SAP30L: variants seen among roughly 807,000 people sequenced by gnomAD.
SAP30L encodes the protein histone deacetylase complex subunit SAP30L.
A neutral mutation model predicts 22.3 loss-of-function variants in SAP30L; 10 were observed. That is an observed-to-expected ratio of 0.45 (90% confidence interval 0.28 to 0.76). The LOEUF (loss-of-function observed/expected upper bound fraction) is 0.76. Ranked by LOEUF, SAP30L falls within the 30% of genes least tolerant of loss-of-function variation. The pLI, the probability that SAP30L is intolerant of heterozygous loss-of-function variation, is 0.14. For missense variants in SAP30L, 206 were observed against 237.9 expected (o/e 0.87, Z 0.88); for synonymous variants, 91 against 94.1 (o/e 0.97, Z 0.19).
At position 154,447,969 on chromosome 5, in the gene SAP30L, C is replaced by CTT. The variant is rs140213326; in HGVS notation, c.201+1187_201+1188dup. On this transcript the variant is annotated intron_variant, in intron 1 of 3. Coordinates refer to ENST00000297109, the MANE Select transcript of SAP30L (RefSeq NM_024632.6). ...TTTCTTTTCTTTTTTTTTTCTTTTTCTTTTTTTTTTTTTTTTTTTTTTTTG... is the reference window on the plus strand; with the variant it reads ...TTTCTTTTCTTTTTTTTTTCTTTTTCTTTTTTTTTTTTTTTTTTTTTTTTTTG... 5.3e-3 allele frequency among the ~76,000 whole-genome samples: 472 copies of CTT among 88,408 alleles called. 5 individuals are homozygous for CTT. The highest frequency in any genetic ancestry group is 8.1e-3 in the African/African-American group (168 of 20,764). The allele number at this position is 88,408 out of a possible 152,430, so 58.0% of individuals were successfully genotyped here. A position where few individuals can be genotyped will look rare whatever the true frequency, so the allele number is the denominator to read the frequency against.
Position 154,457,317 on chromosome 5 carries a change from G to C in SAP30L, c.*1289G>C, listed in dbSNP as rs1012734517. 2.6e-5 allele frequency: 4 copies of C among 152,202 alleles called. No homozygotes were observed. The highest frequency in any genetic ancestry group is 9.7e-5 in the African/African-American group (4 of 41,432). The allele number at this position is 152,202 out of a possible 1,614,324, so 9.4% of individuals were successfully genotyped here. On this transcript the variant is annotated 3_prime_UTR_variant, in exon 4 of 4. Transcript: ENST00000297109. The stretch of plus-strand genomic sequence containing the variant: ...TGTGTAATGGAGGGCAGAGGGTATG[G>C]GGTAGGAGGGTGGGAGAAAGAAAAG...
At position 154,446,774 on chromosome 5, in the gene SAP30L, A is replaced by G. The variant is rs1188215155; in HGVS notation, c.170A>G (p.Gln57Arg). The change falls in exon 1 of 4, where the codon CAG (glutamine) becomes CGG (arginine). Residue 57 changes from glutamine to arginine, a missense_variant. Around this residue, in one of 2 missense-constraint regions of SAP30L, gnomAD observed 136 missense variants for 187.4 expected, o/e 0.73. Transcript: ENST00000297109. ...FSKRVQKSIS[Q>R]KKLKLDIDKS... The stretch of plus-strand genomic sequence containing the variant: ...AAGAGGGTCCAGAAGAGCATCTCGC[A>G]GAAGAAACTCAAGCTGGACATCGAC... 6.2e-7 allele frequency: 1 copy of G among 1,604,274 alleles called. No individual in the cohort carries two copies. Among genetic ancestry groups the G allele is most frequent in the East Asian group, 2.3e-5 (1 of 44,050 alleles).
In SAP30L at chr5:154,451,091, G is replaced by C; in HGVS notation, c.202G>C (p.Val68Leu). The change falls in exon 2 of 4, where the codon GTA (valine) becomes CTA (leucine). Residue 68 changes from valine to leucine, a missense_variant and splice_region_variant. Transcript: ENST00000297109. ...KKLKLDIDKS[V>L]RHLYICDFHK... The stretch of plus-strand genomic sequence containing the variant: ...TGACTTTGATTTTTGTCTCCATCAG[G>C]TAAGGCACCTATATATCTGTGATTT... 6.2e-7 allele frequency: 1 copy of C among 1,613,980 alleles called. No homozygotes were observed. The highest frequency in any genetic ancestry group is 1.1e-5 in the South Asian group (1 of 91,052).
In SAP30L at chr5:154,460,764, C is replaced by G. The variant is rs1158181333; in HGVS notation, c.*4736C>G. 1 of 152,220 alleles carries G rather than the reference C, an allele frequency of 6.6e-6. No homozygotes were observed. The highest frequency in any genetic ancestry group is 1.5e-5 in the Non-Finnish European group (1 of 68,056). 9.4% of individuals were successfully genotyped at this position (152,220 alleles called of 1,614,324 possible). On this transcript the variant is annotated 3_prime_UTR_variant, in exon 4 of 4. Coordinates refer to ENST00000297109, the MANE Select transcript of SAP30L (RefSeq NM_024632.6). ...CATTTCTATTGTCTGCTACGCTCAT[C>G]AGAGTATATTTTGGGGTACAAGGTT... is the stretch of plus-strand genomic sequence containing the variant.
Position 154,456,314 on chromosome 5 carries a change from A to C in SAP30L, c.*286A>C. The stretch of plus-strand genomic sequence containing the variant: ...AAGCATTAAATCAATTCTACTGGAA[A>C]TGTGGGATAAGAAATATTTTGGTAA... On this transcript the variant is annotated 3_prime_UTR_variant, in exon 4 of 4. Coordinates refer to ENST00000297109, the MANE Select transcript of SAP30L (RefSeq NM_024632.6). 1 of 220,930 alleles carries C rather than the reference A, an allele frequency of 4.5e-6. No individual in the cohort carries two copies. The highest frequency in any genetic ancestry group is 5.3e-5 in the Admixed American group (1 of 18,726). The allele number at this position is 220,930 out of a possible 1,614,324, so 13.7% of individuals were successfully genotyped here.
Position 154,451,130 on chromosome 5 carries a change from A to T in SAP30L, c.241A>T (p.Ile81Phe). 2 of 1,614,130 alleles carry T rather than the reference A, an allele frequency of 1.2e-6. No homozygotes were observed. Among genetic ancestry groups the T allele is most frequent in the Non-Finnish European group, 1.7e-6 (2 of 1,179,976 alleles). Residue 81 changes from isoleucine (I) to phenylalanine (F), a missense_variant, in exon 2 of 4, where the codon ATC becomes TTC. By Grantham distance (21) the Ile-to-Phe change is conservative (BLOSUM62 0). This residue lies in a region of SAP30L where 136 missense variants were observed against 187.4 expected (regional missense o/e 0.73). Transcript: ENST00000297109. The stretch of plus-strand genomic sequence containing the variant: ...TATCTGTGATTTTCACAAAAATTTC[A>T]TCCAGAGTGTCCGAAATAAAAGGAA... ...LYICDFHKNF[I>F]QSVRNKRKRK... is the part of the protein sequence containing the mutation.
At position 154,446,336 on chromosome 5, in the gene SAP30L, G is replaced by C. The variant is rs1353315359; in HGVS notation, c.-269G>C. ...TACGGTTCTGGGCCCCCGGCAGAAGGCTCCTCCGGGTGACCCCCGGCGGGG... is the reference window on the plus strand; with the variant it reads ...TACGGTTCTGGGCCCCCGGCAGAAGCCTCCTCCGGGTGACCCCCGGCGGGG... On this transcript the variant is annotated 5_prime_UTR_variant, in exon 1 of 4. Transcript: ENST00000297109. 2 of 358,584 alleles carry C rather than the reference G, an allele frequency of 5.6e-6. No individual in the cohort carries two copies. Among genetic ancestry groups the C allele is most frequent in the Non-Finnish European group, 5.0e-6 (1 of 200,574 alleles). The allele number at this position is 358,584 out of a possible 1,614,324, so 22.2% of individuals were successfully genotyped here.
rs1757324146 is a variant in SAP30L at position 154,459,198 on chromosome 5, T to C, written c.*3170T>C. 1 of 152,264 alleles carries C rather than the reference T, an allele frequency of 6.6e-6. No individual in the cohort carries two copies. The highest frequency in any genetic ancestry group is 1.5e-5 in the Non-Finnish European group (1 of 68,064). 9.4% of individuals were successfully genotyped at this position (152,264 alleles called of 1,614,324 possible). The stretch of plus-strand genomic sequence containing the variant: ...TCATGGAAGTCATCCAAAGGCGCTC[T>C]CAGTCATTACAATGACAGGATCTCA... On this transcript the variant is annotated 3_prime_UTR_variant, in exon 4 of 4. Coordinates refer to ENST00000297109, the MANE Select transcript of SAP30L (RefSeq NM_024632.6).
In SAP30L at chr5:154,446,644, C is replaced by A. The variant is rs763566646; in HGVS notation, c.40C>A (p.Pro14Thr). 4.2e-5 allele frequency: 64 copies of A among 1,529,872 alleles called. No individual in the cohort carries two copies. The highest frequency in any genetic ancestry group is 2.8e-5 in the African/African-American group (2 of 71,476). 94.8% of individuals were successfully genotyped at this position (1,529,872 alleles called of 1,614,324 possible). The change falls in exon 1 of 4, where the codon CCC becomes ACC. Residue 14 changes from proline (P) to threonine (T), a missense_variant. This residue lies in a region of SAP30L where 70 missense variants were observed against 50.5 expected (regional missense o/e 1.39). Transcript: ENST00000297109. The stretch of plus-strand genomic sequence containing the variant: ...CACGGAGGAGGACAGCCGCGAAGGG[C>A]CCCCCGCCGCCCCAGCTGCCGCCGC... ...FSTEEDSREG[P>T]PAAPAAAAPG... is the part of the protein sequence containing the mutation.
intron 1 of SAP30L, 30 bp downstream of exon 1, chr5:154,446,835 C>G (rs768212071): frequency 6.4e-7 from 1 of 1,568,286 alleles, no homozygotes; most frequent in Non-Finnish European, 8.7e-7. Context: ...CGTCTGGGCC[C>G]CGGCGCCCCC....
In SAP30L at chr5:154,446,369, A is replaced by G; in HGVS notation, c.-236A>G. ...GGGTGACCCCCGGCGGGGCCCTGCG[A>G]GCCGCGGGAGCCGACCCCGGGGCCT... On this transcript the variant is annotated 5_prime_UTR_variant, in exon 1 of 4. Coordinates refer to ENST00000297109, the MANE Select transcript of SAP30L (RefSeq NM_024632.6). The G allele has an allele frequency of 2.6e-6, 1 of 385,334 alleles. No homozygotes were observed. The highest frequency in any genetic ancestry group is 6.8e-4 in the Middle Eastern group (1 of 1,476). 23.9% of individuals were successfully genotyped at this position (385,334 alleles called of 1,614,324 possible).
Position 154,455,958 on chromosome 5 carries a change from TCATCTA to T in SAP30L, c.486_491del (p.Ile162_Tyr163del). ...AATGAAAAAGAGACCCTTGCCTACTTCATCTACATGGTGAAGAGTAACAAGAGTAGA... is the reference window on the plus strand; with the variant it reads ...AATGAAAAAGAGACCCTTGCCTACTTCATGGTGAAGAGTAACAAGAGTAGA... On this transcript the variant is annotated inframe_deletion, in exon 4 of 4. Transcript: ENST00000297109. The T allele has an allele frequency of 6.2e-7, 1 of 1,614,154 alleles. No homozygotes were observed. Among genetic ancestry groups the T allele is most frequent in the Non-Finnish European group, 8.5e-7 (1 of 1,180,018 alleles).
At chr5:154,449,097 ATTAT>A (rs977471703) in intron 1 of SAP30L, among the ~76,000 whole-genome samples, 1 of 152,214 alleles carries the variant, frequency 6.6e-6, no homozygotes, top group Admixed American at 6.5e-5. Context: ...GGAGAAAATG[ATTAT>A]TTATCTTGTA....
At chr5:154,452,365 C>CAAAAA (rs34765495) in intron 2 of SAP30L, 4 of 228,996 alleles carry the variant, frequency 1.7e-5, no homozygotes, top group Admixed American at 7.8e-5. Flanking sequence ...TGGTTTTCAC[C>CAAAAA]AAAAAAAAAA....
chr5:154,455,902 T>G lies in SAP30L; in HGVS notation c.426T>G (p.Thr142=). Residue 142 remains threonine (T), a splice_region_variant and synonymous_variant, in exon 4 of 4, where the codon ACT becomes ACG. Coordinates refer to ENST00000297109, the MANE Select transcript of SAP30L (RefSeq NM_024632.6). ...TTTGGTATTTTCCCCCCACATAGAC[T>G]GTGAGTCGACACTTCAGGAACATAC... ...PGFNKAQLAE[T]VSRHFRNIPV... The G allele has an allele frequency of 6.2e-7, 1 of 1,610,792 alleles. No individual in the cohort carries two copies. The highest frequency in any genetic ancestry group is 1.1e-5 in the South Asian group (1 of 90,352).
chr5:154,453,494 A>G lies in SAP30L; in HGVS notation c.417A>G (p.Leu139=). 1 of 1,611,332 alleles carries G rather than the reference A, an allele frequency of 6.2e-7. No individual in the cohort carries two copies. Among genetic ancestry groups the G allele is most frequent in the Non-Finnish European group, 8.5e-7 (1 of 1,177,390 alleles). ...GACCAGGCTTCAATAAGGCCCAGTT[A>G]GCAGAAGTAGGTAGACAAAATTGCC... The part of the protein sequence containing the change: ...QTRPGFNKAQ[L]AETVSRHFRN... Residue 139 remains leucine (L), a synonymous_variant, in exon 3 of 4, where the codon TTA becomes TTG. Coordinates refer to ENST00000297109, the MANE Select transcript of SAP30L (RefSeq NM_024632.6).
In SAP30L at chr5:154,455,887, T is replaced by C. The variant is rs978000811; in HGVS notation, c.424-13T>C. 9 of 1,599,328 alleles carry C rather than the reference T, an allele frequency of 5.6e-6. No homozygotes were observed. Among genetic ancestry groups the C allele is most frequent in the Non-Finnish European group, 7.7e-6 (9 of 1,175,462 alleles). On this transcript the variant is annotated splice_polypyrimidine_tract_variant and intron_variant, in intron 3 of 3. Transcript: ENST00000297109. ...CATGGTTTAAGGAACTTTGGTATTT[T>C]CCCCCCACATAGACTGTGAGTCGAC...
chr5:154,454,223 T>C (rs1308714356), intron 3 of SAP30L, among the ~76,000 whole-genome samples: 1 of 152,224 alleles, frequency 6.6e-6, no homozygotes, highest in Non-Finnish European at 1.5e-5. Flanking sequence ...TCTCCTACTC[T>C]GGTGTTGGTA....
rs899322077 is a variant in SAP30L, at chr5:154,459,353, C to A, written c.*3325C>A. ...ACCTCCGAGGACAGAGAACCCACTACCTCGTGGAGAAGCCTGTTCTTTGTA... is the reference window on the plus strand; with the variant it reads ...ACCTCCGAGGACAGAGAACCCACTAACTCGTGGAGAAGCCTGTTCTTTGTA... On this transcript the variant is annotated 3_prime_UTR_variant, in exon 4 of 4. Transcript: ENST00000297109. 9 of 152,276 alleles carry A rather than the reference C, an allele frequency of 5.9e-5. No homozygotes were observed. Among genetic ancestry groups the A allele is most frequent in the Admixed American group, 2.0e-4 (3 of 15,286 alleles). The allele number at this position is 152,276 out of a possible 1,614,324, so 9.4% of individuals were successfully genotyped here.
Sources: gnomAD v4.1 joint callset for allele counts (sites outside exome capture counted in the v4.1 genomes callset) on GRCh38, gnomAD v4.1.1 for gene constraint, gnomAD v4.1.1 regional missense constraint, MANE v1.5 for transcripts, NCBI Gene and HGNC (gene_info 2026-07-23, HGNC 2026-07-21) for gene names.